Variants in LHFPL3 observed in about 807,000 individuals in gnomAD.
LHFPL3 encodes the protein LHFPL tetraspan subfamily member 3, also known as LHFPL tetraspan subfamily member 3 protein.
A neutral mutation model predicts 19.3 loss-of-function variants in LHFPL3; 5 were observed. The ratio of observed to expected loss-of-function variants is 0.26; its 90% CI spans 0.14 to 0.54. The LOEUF (loss-of-function observed/expected upper bound fraction) is 0.54. Ranked by LOEUF, LHFPL3 falls within the 20% of genes least tolerant of loss-of-function variation. The probability of loss-of-function intolerance (pLI) is 0.94; values close to 1 mark genes in which losing one functional copy is unlikely to be tolerated. For missense variants in LHFPL3, 249 were observed against 307.4 expected, an observed-to-expected ratio of 0.81 and a Z score of 1.42; for synonymous variants, 133 against 126.2, an observed-to-expected ratio of 1.05 and a Z score of -0.36.
intron 2 of LHFPL3, among the ~76,000 whole-genome samples, chr7:104,882,487 A>C (rs1394403866): frequency 6.6e-6 from 1 of 152,152 alleles, no homozygotes; most frequent in Admixed American, 6.6e-5. Flanking sequence ...ACCTCAGATG[A>C]TCTGCCCACC....
intron 1 of LHFPL3, among the ~76,000 whole-genome samples, chr7:104,593,340 T>C (rs988381897): frequency 3.9e-5 from 6 of 152,206 alleles, no homozygotes; most frequent in African/African-American, 1.4e-4. Flanking sequence ...TCGATGTAGT[T>C]GAGTGGTTTT....
intron 1 of LHFPL3, among the ~76,000 whole-genome samples, chr7:104,482,541 T>G (rs2073791): frequency 0.27 from 41,302 of 152,118 alleles, 6,814 homozygotes; most frequent in African/African-American, 0.46. Context: ...GACTCTTATG[T>G]GTTTATACTG....
chr7:104,767,634 C>T (rs945930098), intron 2 of LHFPL3, among the ~76,000 whole-genome samples: 2 of 152,124 alleles, frequency 1.3e-5, no homozygotes, highest in African/African-American at 4.8e-5. Context: ...TCTCAAAGTA[C>T]AAACAATAAT....
At chr7:104,542,152 C>A (rs1267526123) in intron 1 of LHFPL3, among the ~76,000 whole-genome samples, 3 of 152,002 alleles carry the variant, frequency 2.0e-5, no homozygotes, top group Non-Finnish European at 2.9e-5. Flanking sequence ...ACACTGAGAG[C>A]AGCAGAAATG....
intron 2 of LHFPL3, among the ~76,000 whole-genome samples, chr7:104,862,494 G>C (rs554312856): frequency 6.6e-6 from 1 of 152,318 alleles, no homozygotes; most frequent in South Asian, 2.1e-4. Flanking sequence ...CTAGCCCAGG[G>C]ATGCTCTGAT....
intron 2 of LHFPL3, among the ~76,000 whole-genome samples, chr7:104,882,632 G>A (rs1300245721): frequency 1.3e-5 from 2 of 152,140 alleles, no homozygotes; most frequent in Admixed American, 1.3e-4. Flanking sequence ...CAGGGCCTGA[G>A]GGGAGTGGAG....
chr7:104,821,199 T>A (rs1790670832), intron 2 of LHFPL3, among the ~76,000 whole-genome samples: 1 of 152,210 alleles, frequency 6.6e-6, no homozygotes, highest in African/African-American at 2.4e-5. Context: ...ATCTATTTCA[T>A]GGGTTTTCAC....
intron 2 of LHFPL3, among the ~76,000 whole-genome samples, chr7:104,897,662 C>T (rs1016630832): frequency 6.6e-6 from 1 of 152,306 alleles, no homozygotes; most frequent in South Asian, 2.1e-4. Context: ...GGGAACATCA[C>T]TTGGGTTTTT....
intron 1 of LHFPL3, among the ~76,000 whole-genome samples, chr7:104,677,499 C>A (rs1308957672): frequency 6.6e-6 from 1 of 152,112 alleles, no homozygotes; most frequent in African/African-American, 2.4e-5. Flanking sequence ...TCTGGGTAGT[C>A]ACAGATGAAT....
At chr7:104,613,538 A>C (rs1010158319) in intron 1 of LHFPL3, among the ~76,000 whole-genome samples, 10 of 152,144 alleles carry the variant, frequency 6.6e-5, no homozygotes, top group South Asian at 2.1e-4. Flanking sequence ...TGAATGGTAA[A>C]AGAATTACCT....
At chr7:104,570,316 C>T (rs1191611583) in intron 1 of LHFPL3, among the ~76,000 whole-genome samples, 1 of 152,192 alleles carries the variant, frequency 6.6e-6, no homozygotes, top group East Asian at 1.9e-4. Context: ...AAATGTGGCT[C>T]ATGTGTCAGC....
intron 1 of LHFPL3, among the ~76,000 whole-genome samples, chr7:104,686,757 C>G (rs559937296): frequency 6.6e-6 from 1 of 152,324 alleles, no homozygotes; most frequent in Non-Finnish European, 1.5e-5. Flanking sequence ...GAAGAAATAC[C>G]TGAGACTGGG....
intron 1 of LHFPL3, among the ~76,000 whole-genome samples, chr7:104,400,748 A>G (rs1358660066): frequency 6.6e-6 from 1 of 152,222 alleles, no homozygotes; most frequent in Non-Finnish European, 1.5e-5. Context: ...AAAAGCCACA[A>G]GCATTTCAAA....
At position 104,577,229 on chromosome 7, in the gene LHFPL3, A is replaced by G. The variant is rs79981093; in HGVS notation, c.446-159446A>G. The stretch of plus-strand genomic sequence containing the variant: ...GACATATTAAACACATGGGAGAGCT[A>G]GACATATTAAGTGGGTAATCAAAAA... On this transcript the variant is annotated intron_variant, in intron 1 of 2. Coordinates refer to ENST00000424859, the MANE Select transcript of LHFPL3 (RefSeq NM_199000.3). Among the ~76,000 whole-genome samples the G allele has an allele frequency of 5.6e-3, 848 of 152,282 alleles. 37 individuals are homozygous for G. The East Asian group carries it at 0.12, about 21-fold the overall frequency.
chr7:104,793,505 A>G (rs903896334), intron 2 of LHFPL3, among the ~76,000 whole-genome samples: 1 of 152,218 alleles, frequency 6.6e-6, no homozygotes, highest in Non-Finnish European at 1.5e-5. Flanking sequence ...TATTGTCAAG[A>G]ATAATAATAT....
chr7:104,379,317 G>A (rs1790777443), intron 1 of LHFPL3, among the ~76,000 whole-genome samples: 1 of 152,150 alleles, frequency 6.6e-6, no homozygotes, highest in East Asian at 1.9e-4. Flanking sequence ...CACTTCTTGG[G>A]CCTCCCTCGG....
intron 2 of LHFPL3, chr7:104,803,877 C>T (rs2116484380): frequency 6.6e-6 from 1 of 152,284 alleles, no homozygotes; most frequent in South Asian, 2.1e-4. Flanking sequence ...GCACTATATC[C>T]AATAATCAAA....
At chr7:104,709,329 A>AT (rs1336157281) in intron 1 of LHFPL3, among the ~76,000 whole-genome samples, 8 of 134,822 alleles carry the variant, frequency 5.9e-5, no homozygotes, top group African/African-American at 2.1e-4. Context: ...AGGTCAGCAG[A>AT]TAAACACGTG....
intron 2 of LHFPL3, among the ~76,000 whole-genome samples, chr7:104,852,106 C>A (rs1372281913): frequency 6.6e-6 from 1 of 152,084 alleles, no homozygotes; most frequent in East Asian, 1.9e-4. Context: ...CCAACCCTCA[C>A]ACACACCCCA....
Sources: gnomAD v4.1 joint callset for allele counts (sites outside exome capture counted in the v4.1 genomes callset) on GRCh38, gnomAD v4.1.1 for gene constraint, MANE v1.5 for transcripts, NCBI Gene and HGNC (gene_info 2026-07-23, HGNC 2026-07-21) for gene names.